The following CNOT10 variants were observed in gnomAD, a reference collection of about 807,000 sequenced individuals.
CNOT10 encodes the protein CCR4-NOT transcription complex subunit 10.
In CNOT10, 30 loss-of-function variants were observed where a neutral mutation model predicts 94.6. The observed-to-expected ratio is 0.32, with a 90% CI of 0.24 to 0.43. The LOEUF (loss-of-function observed/expected upper bound fraction) is 0.43. Among genes scored for constraint, CNOT10 ranks in the 20% least tolerant of loss-of-function variants. CNOT10 has a pLI of 1.00. For missense variants in CNOT10, 759 were observed against 877.2 expected (o/e 0.87, Z 1.70); for synonymous variants, 289 against 301.6 (o/e 0.96, Z 0.43).
At chr3:32,687,457 T>G (rs1361480380) in intron 1 of CNOT10, among the ~76,000 whole-genome samples, 3 of 103,106 alleles carry the variant, frequency 2.9e-5, no homozygotes, top group Non-Finnish European at 6.2e-5. Flanking sequence ...TTTTTGTTTT[T>G]TTTTTTTTTT....
chr3:32,766,621 G>A (rs1467312693), intron 17 of CNOT10, among the ~76,000 whole-genome samples: 1 of 139,144 alleles, frequency 7.2e-6, no homozygotes, highest in Non-Finnish European at 1.6e-5. Context: ...CAACAGAGCG[G>A]GACTCTGTCT....
chr3:32,686,682 C>CTATTA (rs1696614942), intron 1 of CNOT10, among the ~76,000 whole-genome samples: 1 of 152,140 alleles, frequency 6.6e-6, no homozygotes, highest in African/African-American at 2.4e-5. Context: ...GACAGGAAAA[C>CTATTA]GGCATGGCCT....
At chr3:32,736,920 G>A (rs1010055090) in intron 12 of CNOT10, among the ~76,000 whole-genome samples, 9 of 152,226 alleles carry the variant, frequency 5.9e-5, no homozygotes, top group African/African-American at 2.2e-4. Context: ...TGGGGGCAGT[G>A]GGGGAAGAAA....
At position 32,695,968 on chromosome 3, in the gene CNOT10, A is replaced by AGTGTGTGTGTGT. The variant is rs764702440; in HGVS notation, c.23-7863_23-7852dup. On this transcript the variant is annotated intron_variant, in intron 1 of 18. Coordinates refer to ENST00000328834, the MANE Select transcript of CNOT10 (RefSeq NM_015442.3). The stretch of plus-strand genomic sequence containing the variant: ...AAATAAAAATAATCCTGTTGAAGAG[A>AGTGTGTGTGTGT]GTGTGTGTGTGTGTGTGTGTGTGTG... The AGTGTGTGTGTGT allele has an allele frequency of 5.4e-4, 235 of 433,124 alleles. 3 individuals carry two copies. Among genetic ancestry groups the AGTGTGTGTGTGT allele is most frequent in the African/African-American group, 3.7e-3 (153 of 41,246 alleles). 26.8% of individuals were successfully genotyped at this position (433,124 alleles called of 1,614,324 possible).
At chr3:32,757,725 C>T (rs1289907164) in intron 13 of CNOT10, among the ~76,000 whole-genome samples, 1 of 152,164 alleles carries the variant, frequency 6.6e-6, no homozygotes, top group Non-Finnish European at 1.5e-5. Flanking sequence ...CCTCTGGTCC[C>T]TGAGTCTTCC....
At chr3:32,754,162 A>G (rs1312551691) in intron 13 of CNOT10, among the ~76,000 whole-genome samples, 6 of 152,008 alleles carry the variant, frequency 3.9e-5, no homozygotes, top group Admixed American at 2.6e-4. Flanking sequence ...ACAAATTGGC[A>G]TTAATATTTT....
chr3:32,692,738 T>C (rs1255453345), intron 1 of CNOT10, among the ~76,000 whole-genome samples: 1 of 152,170 alleles, frequency 6.6e-6, no homozygotes, highest in East Asian at 1.9e-4. Context: ...TTAGTGAATA[T>C]TCTTCTTTAA....
rs151157673 is a variant in CNOT10 at position 32,757,700 on chromosome 3, A to G, written c.1596-1758A>G. Among the ~76,000 whole-genome samples the G allele has an allele frequency of 1.9e-3, 282 of 152,288 alleles. 1 individual carries two copies. The highest frequency in any genetic ancestry group is 6.6e-3 in the African/African-American group (273 of 41,550). ...ACTAACATTCTTCTGAAGATGAGAG[A>G]TAACTAGCCTCCTGCCTCTGGTCCC... On this transcript the variant is annotated intron_variant, in intron 13 of 18. Coordinates refer to ENST00000328834, the MANE Select transcript of CNOT10 (RefSeq NM_015442.3).
At position 32,773,811 on chromosome 3, in the gene CNOT10, G is replaced by T; in HGVS notation, c.*200G>T. 1.9e-6 allele frequency: 1 copy of T among 514,034 alleles called. No homozygotes were observed. The allele number at this position is 514,034 out of a possible 1,614,324, so 31.8% of individuals were successfully genotyped here. On this transcript the variant is annotated 3_prime_UTR_variant, in exon 19 of 19. Coordinates refer to ENST00000328834, the MANE Select transcript of CNOT10 (RefSeq NM_015442.3). ...CAGCTGTTTTTCTTAATTTCAGCCAGACTATTAATTTTGAGCCATTATGTA... is the reference window on the plus strand; with the variant it reads ...CAGCTGTTTTTCTTAATTTCAGCCATACTATTAATTTTGAGCCATTATGTA...
Position 32,737,409 on chromosome 3 carries a change from G to T in CNOT10, c.1515-1G>T. 1 of 1,591,852 alleles carries T rather than the reference G, an allele frequency of 6.3e-7. No homozygotes were observed. Among genetic ancestry groups the T allele is most frequent in the Non-Finnish European group, 8.6e-7 (1 of 1,161,954 alleles). On this transcript the variant is annotated splice_acceptor_variant, in intron 12 of 18. Coordinates refer to ENST00000328834, the MANE Select transcript of CNOT10 (RefSeq NM_015442.3). LOFTEE classifies it high-confidence loss of function. The stretch of plus-strand genomic sequence containing the variant: ...AATTAAGACTCTTACCTCTATTTTA[G>T]CAGTAAAAGCCATGATGGAGATAAA...
Position 32,764,820 on chromosome 3 carries a change from A to C in CNOT10, c.2004+11A>C, listed in dbSNP as rs959943814. 30 of 1,613,262 alleles carry C rather than the reference A, an allele frequency of 1.9e-5. No homozygotes were observed. In the Admixed American group the frequency reaches 4.4e-4, roughly 23 times the overall value. The stretch of plus-strand genomic sequence containing the variant: ...AAGTGTCTCCACCAGGTGAGTCCAG[A>C]GTGGGAGGAACTGAACCTTGTAAAG... On this transcript the variant is annotated intron_variant, in intron 17 of 18. Transcript: ENST00000328834.
At chr3:32,686,789 C>T (rs1185486587) in intron 1 of CNOT10, among the ~76,000 whole-genome samples, 1 of 152,194 alleles carries the variant, frequency 6.6e-6, no homozygotes, top group African/African-American at 2.4e-5. Context: ...CATACCATTG[C>T]GCTTGCCCGA....
chr3:32,751,657 A>C (rs1430918811), intron 13 of CNOT10, among the ~76,000 whole-genome samples: 7 of 152,220 alleles, frequency 4.6e-5, no homozygotes, highest in Non-Finnish European at 1.0e-4. Context: ...CATAAATATT[A>C]TAGACAGTTT....
At chr3:32,697,888 G>A (rs1164234458) in intron 1 of CNOT10, among the ~76,000 whole-genome samples, 1 of 152,100 alleles carries the variant, frequency 6.6e-6, no homozygotes, top group Non-Finnish European at 1.5e-5. Flanking sequence ...TAAAATGTTA[G>A]GTTTTATAAA....
intron 13 of CNOT10, among the ~76,000 whole-genome samples, chr3:32,740,354 G>A (rs1199551182): frequency 1.3e-5 from 2 of 152,060 alleles, no homozygotes; most frequent in East Asian, 3.9e-4. Context: ...AGCTATTCGA[G>A]AGGCTGAAGC....
At chr3:32,721,460 A>G (rs1372804997) in intron 8 of CNOT10, among the ~76,000 whole-genome samples, 4 of 123,668 alleles carry the variant, frequency 3.2e-5, no homozygotes, top group Non-Finnish European at 4.9e-5. Context: ...TTTTTAGTGA[A>G]TTACCATCTA....
chr3:32,699,244 A>G (rs537576585), intron 1 of CNOT10, among the ~76,000 whole-genome samples: 80 of 152,332 alleles, frequency 5.3e-4, no homozygotes, highest in Middle Eastern at 3.4e-3. Flanking sequence ...TTTATAAAAC[A>G]TGGGATTCAG....
chr3:32,770,537 C>G (rs113756159), intron 18 of CNOT10, among the ~76,000 whole-genome samples: 6,812 of 151,592 alleles, frequency 0.045, 276 homozygotes, highest in African/African-American at 0.099. Flanking sequence ...GTGTTGGCCA[C>G]GATGGTCTCG....
At chr3:32,713,930 G>A (rs568247717) in intron 5 of CNOT10, among the ~76,000 whole-genome samples, 3 of 152,162 alleles carry the variant, frequency 2.0e-5, no homozygotes, top group Non-Finnish European at 4.4e-5. Flanking sequence ...GGACATTTGG[G>A]TTCTTTTCTA....
Sources: gnomAD v4.1 joint callset for allele counts (sites outside exome capture counted in the v4.1 genomes callset) on GRCh38, gnomAD v4.1.1 for gene constraint, MANE v1.5 for transcripts, NCBI Gene and HGNC (gene_info 2026-07-23, HGNC 2026-07-21) for gene names.